KCNJ3: variants seen among roughly 807,000 people sequenced by gnomAD.
KCNJ3 encodes potassium inwardly rectifying channel subfamily J member 3.
A neutral mutation model predicts 39.2 loss-of-function variants in KCNJ3; 4 were observed. The observed-to-expected ratio is 0.10, with a 90% CI of 0.05 to 0.23. KCNJ3 has a LOEUF of 0.23. KCNJ3 is among the 10% of genes least tolerant of loss of function. The probability of loss-of-function intolerance (pLI) is 1.00; values close to 1 mark genes in which losing one functional copy is unlikely to be tolerated. For synonymous variants in KCNJ3, 230 were observed against 237.4 expected (o/e 0.97, Z 0.29); for missense variants, 276 against 634.9 (o/e 0.43, Z 6.08).
intron 2 of KCNJ3, among the ~76,000 whole-genome samples, chr2:154,778,161 T>G (rs1449792172): frequency 6.6e-6 from 1 of 152,190 alleles, no homozygotes; most frequent in Non-Finnish European, 1.5e-5. Context: ...ATTTGATCAT[T>G]TAAATGATAA....
intron 2 of KCNJ3, among the ~76,000 whole-genome samples, chr2:154,757,448 C>T (rs1685960894): frequency 1.3e-5 from 2 of 152,198 alleles, no homozygotes; most frequent in Non-Finnish European, 2.9e-5. Flanking sequence ...TAAATTAATT[C>T]TGTGCCCTTT....
At chr2:154,780,532 T>G (rs1348292427) in intron 2 of KCNJ3, among the ~76,000 whole-genome samples, 2 of 151,824 alleles carry the variant, frequency 1.3e-5, no homozygotes, top group Admixed American at 6.6e-5. Context: ...TGAATGGGAT[T>G]CAGAGCAAGG....
chr2:154,830,916 G>GTA (rs1687351820), intron 2 of KCNJ3, among the ~76,000 whole-genome samples: 1 of 152,092 alleles, frequency 6.6e-6, no homozygotes, highest in Non-Finnish European at 1.5e-5. Flanking sequence ...AAATTTCAGA[G>GTA]TATGTCCATC....
chr2:154,772,901 C>T (rs1199449703), intron 2 of KCNJ3, among the ~76,000 whole-genome samples: 1 of 151,240 alleles, frequency 6.6e-6, no homozygotes, highest in Non-Finnish European at 1.5e-5. Flanking sequence ...GATTTTTTTC[C>T]CAAAGTAATT....
chr2:154,855,072 C>A lies in KCNJ3; in HGVS notation c.1265C>A (p.Thr422Lys). Residue 422 changes from threonine to lysine, a missense_variant, in exon 3 of 3, where the codon ACA becomes AAA. Physicochemically the swap from Thr to Lys is moderately conservative, Grantham distance 78. This residue lies in a region of KCNJ3 where 126 missense variants were observed against 179.8 expected (regional missense o/e 0.70). Transcript: ENST00000295101. ...FPKKLLRMSS[T>K]TSEKAYSLGD... ...AAAAAACTCTTGAGGATGAGTTCTA[C>A]AACTTCAGAAAAAGCCTACAGCTTG... is the stretch of plus-strand genomic sequence containing the variant. The A allele has an allele frequency of 1.2e-6, 2 of 1,614,026 alleles. No individual in the cohort carries two copies. The highest frequency in any genetic ancestry group is 8.5e-7 in the Non-Finnish European group (1 of 1,179,950).
intron 2 of KCNJ3, among the ~76,000 whole-genome samples, chr2:154,809,147 T>G (rs1376871904): frequency 6.6e-6 from 1 of 152,058 alleles, no homozygotes; most frequent in Non-Finnish European, 1.5e-5. Flanking sequence ...TCAGATATAA[T>G]CAGACCTAGA....
At chr2:154,709,235 AGAAAAAAAAT>A in intron 1 of KCNJ3, 1 of 217,890 alleles carries the variant, frequency 4.6e-6, no homozygotes, top group Non-Finnish European at 9.2e-6. Flanking sequence ...TGCTGTGTTG[AGAAAAAAAAT>A]ATCTGGCATG....
At chr2:154,705,225 T>C (rs1386259431) in intron 1 of KCNJ3, among the ~76,000 whole-genome samples, 1 of 152,122 alleles carries the variant, frequency 6.6e-6, no homozygotes, top group African/African-American at 2.4e-5. Flanking sequence ...ACTGGATAAA[T>C]ATGTCCTTGA....
chr2:154,729,539 C>T (rs1248098438), intron 2 of KCNJ3, among the ~76,000 whole-genome samples: 2 of 152,022 alleles, frequency 1.3e-5, no homozygotes, highest in East Asian at 1.9e-4. Context: ...TGATTTAGGC[C>T]TTCTTGTTGT....
intron 2 of KCNJ3, among the ~76,000 whole-genome samples, chr2:154,846,375 A>C (rs1310510451): frequency 6.6e-6 from 1 of 152,218 alleles, no homozygotes; most frequent in East Asian, 1.9e-4. Flanking sequence ...GAACCTTAAT[A>C]ATCATGACTG....
At chr2:154,768,861 C>A (rs977158992) in intron 2 of KCNJ3, among the ~76,000 whole-genome samples, 4 of 151,980 alleles carry the variant, frequency 2.6e-5, no homozygotes, top group African/African-American at 7.2e-5. Context: ...CTTTTATTTC[C>A]TTGAGCAGTG....
intron 2 of KCNJ3, among the ~76,000 whole-genome samples, chr2:154,763,422 CT>C (rs11405108): frequency 0.047 from 6,992 of 148,054 alleles, 277 homozygotes; most frequent in East Asian, 0.22. Context: ...TCAGCTGCTT[CT>C]TTTTTTTTTT....
chr2:154,752,314 G>GA (rs1169794168), intron 2 of KCNJ3, among the ~76,000 whole-genome samples: 1 of 151,712 alleles, frequency 6.6e-6, no homozygotes, highest in Non-Finnish European at 1.5e-5. Flanking sequence ...AAATGTGATG[G>GA]AAAAAAATCA....
intron 2 of KCNJ3, among the ~76,000 whole-genome samples, chr2:154,784,660 C>T (rs989153675): frequency 1.1e-4 from 16 of 152,112 alleles, no homozygotes; most frequent in African/African-American, 3.4e-4. Flanking sequence ...GGATTATAGA[C>T]ATGAGCCACT....
chr2:154,777,190 C>T (rs995736114), intron 2 of KCNJ3, among the ~76,000 whole-genome samples: 1 of 152,168 alleles, frequency 6.6e-6, no homozygotes, highest in Non-Finnish European at 1.5e-5. Flanking sequence ...TAACTAGGGT[C>T]TTTTCAAACA....
intron 2 of KCNJ3, among the ~76,000 whole-genome samples, chr2:154,718,943 T>C (rs1312152708): frequency 1.3e-5 from 2 of 152,136 alleles, no homozygotes; most frequent in African/African-American, 4.8e-5. Context: ...AATTTTTAAA[T>C]GTAAGCACAG....
intron 2 of KCNJ3, among the ~76,000 whole-genome samples, chr2:154,743,900 ATTCTTGCC>A (rs1685694640): frequency 6.6e-6 from 1 of 151,558 alleles, no homozygotes; most frequent in African/African-American, 2.4e-5. Context: ...AGATGTGGAC[ATTCTTGCC>A]TTATTCTCTA....
At chr2:154,829,455 C>T (rs1027118324) in intron 2 of KCNJ3, among the ~76,000 whole-genome samples, 7 of 152,096 alleles carry the variant, frequency 4.6e-5, no homozygotes, top group Non-Finnish European at 1.0e-4. Flanking sequence ...GCAAAGAACA[C>T]GACCTTGTTC....
intron 2 of KCNJ3, among the ~76,000 whole-genome samples, chr2:154,744,282 G>A (rs556388432): frequency 6.6e-6 from 1 of 151,642 alleles, no homozygotes; most frequent in African/African-American, 2.4e-5. Flanking sequence ...ATTCATGAGG[G>A]ATATTGAGGT....
Sources: allele counts gnomAD v4.1 joint callset (sites outside exome capture counted in the v4.1 genomes callset), GRCh38; gene constraint gnomAD v4.1.1; regional missense constraint gnomAD v4.1.1; transcripts MANE v1.5; gene names NCBI Gene and HGNC (gene_info 2026-07-23, HGNC 2026-07-21).